FAM171A2: variants seen among roughly 807,000 people sequenced by gnomAD.
FAM171A2 encodes the protein family with sequence similarity 171 member A2.
FAM171A2 carries 13 observed loss-of-function variants against 34.2 expected under a neutral mutation model. The observed-to-expected ratio is 0.38, with a 90% CI of 0.25 to 0.60. FAM171A2 has a LOEUF of 0.60. Ranked by LOEUF, FAM171A2 falls within the 20% of genes least tolerant of loss-of-function variation. The pLI is 0.62. For synonymous variants in FAM171A2, 475 were observed against 561.2 expected, an observed-to-expected ratio of 0.85 and a Z score of 2.17; for missense variants, 950 against 1,180.7, an observed-to-expected ratio of 0.80 and a Z score of 2.86.
chr17:44,353,594 A>G lies in FAM171A2; in HGVS notation c.*139T>C. 1.7e-6 allele frequency: 1 copy of G among 584,628 alleles called. No homozygotes were observed. The highest frequency in any genetic ancestry group is 2.4e-6 in the Non-Finnish European group (1 of 424,560). The allele number at this position is 584,628 out of a possible 1,614,324, so 36.2% of individuals were successfully genotyped here. On this transcript the variant is annotated 3_prime_UTR_variant, in exon 8 of 8. Coordinates refer to ENST00000293443, the MANE Select transcript of FAM171A2 (RefSeq NM_198475.3). ...TGCAAGACACGACCCAGCACCAACC[A>G]CGGAACAGCTCCAAGGCCCCTGGGC...
chr17:44,363,467 C>A (rs1408531828), intron 1 of FAM171A2, 130 bp downstream of exon 1: 2 of 419,554 alleles, frequency 4.8e-6, no homozygotes, highest in African/African-American at 2.1e-5. Flanking sequence ...GATCGCTTAG[C>A]TCCCCCCACC....
Position 44,354,092 on chromosome 17 carries a change from C to T in FAM171A2, c.2122G>A (p.Glu708Lys). ...GGCGGCGCGGCAGGCGGGGCGCGCT[C>T]CCGCTCCTCCCTCGCGGGCCGGCGG... ...ARRRPAREER[E>K]RAPPAAPPPP... The change falls in exon 8 of 8, where the codon GAG becomes AAG. Residue 708 changes from glutamate (E) to lysine (K), a missense_variant. Coordinates refer to ENST00000293443, the MANE Select transcript of FAM171A2 (RefSeq NM_198475.3). This position sits in a 1 kb window ranked among gnomAD's most constrained non-coding sequence, Gnocchi z 5.8. 1 of 1,111,678 alleles carries T rather than the reference C, an allele frequency of 9.0e-7. No homozygotes were observed. Among genetic ancestry groups the T allele is most frequent in the Non-Finnish European group, 1.1e-6 (1 of 911,216 alleles). 68.9% of individuals were successfully genotyped at this position (1,111,678 alleles called of 1,614,324 possible). A position where few individuals can be genotyped will look rare whatever the true frequency, so the allele number is the denominator to read the frequency against.
chr17:44,358,224 C>T (rs1302857862), intron 3 of FAM171A2, among the ~76,000 whole-genome samples: 2 of 152,180 alleles, frequency 1.3e-5, no homozygotes. Context: ...GAGGGCGGCC[C>T]GGGCTCTGGA....
At position 44,354,793 on chromosome 17, in the gene FAM171A2, G is replaced by A; in HGVS notation, c.1421C>T (p.Pro474Leu). The A allele has an allele frequency of 1.5e-6, 2 of 1,295,270 alleles. No individual in the cohort carries two copies. Among genetic ancestry groups the A allele is most frequent in the Non-Finnish European group, 2.0e-6 (2 of 1,021,700 alleles). 80.2% of individuals were successfully genotyped at this position (1,295,270 alleles called of 1,614,324 possible). Residue 474 changes from proline (P) to leucine (L), a missense_variant, in exon 8 of 8, where the codon CCG (proline) becomes CTG (leucine). Pro to Leu is a moderately conservative substitution (Grantham distance 98). Coordinates refer to ENST00000293443, the MANE Select transcript of FAM171A2 (RefSeq NM_198475.3). This position sits in a 1 kb window ranked among gnomAD's most constrained non-coding sequence, Gnocchi z 5.8. ...PSGAAAFLHE[P>L]PSPPPPFDHY... ...GTCGAAGGGCGGCGGCGGCGAGGGC[G>A]GCTCGTGCAGGAAGGCCGCAGCCCC... is the stretch of plus-strand genomic sequence containing the variant.
At position 44,353,873 on chromosome 17, in the gene FAM171A2, T is replaced by C. The variant is rs990885152; in HGVS notation, c.2341A>G (p.Ser781Gly). The C allele has an allele frequency of 9.5e-6, 13 of 1,362,096 alleles. No individual in the cohort carries two copies. In the African/African-American group the frequency reaches 1.8e-4, roughly 19 times the overall value. The allele number at this position is 1,362,096 out of a possible 1,614,324, so 84.4% of individuals were successfully genotyped here. A position where few individuals can be genotyped will look rare whatever the true frequency, so the allele number is the denominator to read the frequency against. Residue 781 changes from serine to glycine, a missense_variant, in exon 8 of 8, where the codon AGC becomes GGC. By Grantham distance (56) the Ser-to-Gly change is moderately conservative. Transcript: ENST00000293443. Reference protein sequence around the residue: ...GRSRGDSSRSSASELRRDSLT... With the variant: ...GRSRGDSSRSGASELRRDSLT... ...GAGTCGCGCCGCAGCTCGCTGGCGC[T>C]GCTGCGGGAGCTGTCCCCGCGGCTG...
chr17:44,362,662 C>A (rs766991261), intron 1 of FAM171A2, among the ~76,000 whole-genome samples: 2 of 152,234 alleles, frequency 1.3e-5, no homozygotes, highest in Non-Finnish European at 2.9e-5. Flanking sequence ...CTTGCTCCCC[C>A]ACCCTTTCCT....
rs1281291789 is a variant in FAM171A2, at chr17:44,355,505, G to A, written c.1022+210C>T. Among the ~76,000 whole-genome samples, 1 of 152,188 alleles carries A rather than the reference G, an allele frequency of 6.6e-6. No homozygotes were observed. The highest frequency in any genetic ancestry group is 1.9e-4 in the East Asian group (1 of 5,188). On this transcript the variant is annotated intron_variant, in intron 7 of 7. Transcript: ENST00000293443. The surrounding 1 kb of genome is among the most constrained non-coding windows in gnomAD (Gnocchi z 4.1). ...GTAGGGGCAGTGGCAGATCTCTCTG[G>A]AGGGGCCGGGCTGCAAGTCCTTAAG...
rs1305236293 is a variant in FAM171A2, at chr17:44,356,521, G to A, written c.507C>T (p.Tyr169=). Reference sequence around the variant, plus strand: ...GCGTAAGTGACGCCCAGAGCTGGCTGTAGGTGGAGCTGACAGGCAGGCGGG... The same window carrying A: ...GCGTAAGTGACGCCCAGAGCTGGCTATAGGTGGAGCTGACAGGCAGGCGGG... ...RAARLPVSST[Y]SQLWASLTPA... is the part of the protein sequence containing the mutation. Residue 169 remains tyrosine, a synonymous_variant, in exon 4 of 8, where the codon TAC becomes TAT. Transcript: ENST00000293443. 6.4e-7 allele frequency: 1 copy of A among 1,550,438 alleles called. No individual in the cohort carries two copies. The highest frequency in any genetic ancestry group is 8.7e-7 in the Non-Finnish European group (1 of 1,146,912).
intron 3 of FAM171A2, 85 bp from the exon 4 acceptor site, chr17:44,356,673 G>T: frequency 7.0e-7 from 1 of 1,418,634 alleles, no homozygotes; most frequent in South Asian, 1.5e-5. Context: ...CTAAGGAAAA[G>T]GGGGACATGA....
intron 1 of FAM171A2, among the ~76,000 whole-genome samples, chr17:44,361,561 C>G (rs756813086): frequency 6.6e-6 from 1 of 152,128 alleles, no homozygotes; most frequent in Non-Finnish European, 1.5e-5. Context: ...GCCAGCGCCA[C>G]GCCTGCCCTA....
At position 44,353,532 on chromosome 17, in the gene FAM171A2, C is replaced by T. The variant is rs1227865863; in HGVS notation, c.*201G>A. 2 of 310,282 alleles carry T rather than the reference C, an allele frequency of 6.4e-6. No individual in the cohort carries two copies. The highest frequency in any genetic ancestry group is 1.1e-5 in the Non-Finnish European group (2 of 179,138). 19.2% of individuals were successfully genotyped at this position (310,282 alleles called of 1,614,324 possible). A position where few individuals can be genotyped will look rare whatever the true frequency, so the allele number is the denominator to read the frequency against. On this transcript the variant is annotated 3_prime_UTR_variant, in exon 8 of 8. Transcript: ENST00000293443. ...ACCTCCCCGTGGGGGTCTGGACCCC[C>T]CCTCCTCCCCGGCTTGGAGGCAGAC...
chr17:44,363,805 G>A lies in FAM171A2; in HGVS notation c.-91C>T. The A allele has an allele frequency of 1.9e-6, 1 of 517,092 alleles. No homozygotes were observed. Among genetic ancestry groups the A allele is most frequent in the South Asian group, 9.6e-5 (1 of 10,456 alleles). 32.0% of individuals were successfully genotyped at this position (517,092 alleles called of 1,614,324 possible). On this transcript the variant is annotated 5_prime_UTR_variant, in exon 1 of 8. Transcript: ENST00000293443. Reference sequence around the variant, plus strand: ...CAGCCCCAGCTCTGCGCCGCGCCTCGCAGCTCCGGCTCCCGCTCCCGCTGC... The same window carrying A: ...CAGCCCCAGCTCTGCGCCGCGCCTCACAGCTCCGGCTCCCGCTCCCGCTGC...
At position 44,363,604 on chromosome 17, in the gene FAM171A2, G is replaced by C; in HGVS notation, c.111C>G (p.Ser37Arg). The change falls in exon 1 of 8, where the codon AGC becomes AGG. Residue 37 changes from serine (S) to arginine (R), a missense_variant. Physicochemically the swap from Ser to Arg is moderately radical, Grantham distance 110. Around this residue, in one of 3 missense-constraint regions of FAM171A2, gnomAD observed 752 missense variants for 924.5 expected, o/e 0.81. Transcript: ENST00000293443. Reference sequence around the variant, plus strand: ...CTCCCGGCTGAGACTCACCCTGCGGGCTGGGGGGCTCCGGCGGCGACTTGC... The same window carrying C: ...CTCCCGGCTGAGACTCACCCTGCGGCCTGGGGGGCTCCGGCGGCGACTTGC... The part of the protein sequence containing the change: ...APGKSPPEPP[S>R]PQEILIKVQV... The C allele has an allele frequency of 8.1e-7, 1 of 1,228,002 alleles. No homozygotes were observed. The highest frequency in any genetic ancestry group is 1.0e-6 in the Non-Finnish European group (1 of 984,338). 76.1% of individuals were successfully genotyped at this position (1,228,002 alleles called of 1,614,324 possible).
intron 4 of FAM171A2, 24 bp downstream of exon 4, chr17:44,356,406 A>C: frequency 1.3e-6 from 2 of 1,549,124 alleles, no homozygotes; most frequent in South Asian, 2.4e-5. Context: ...GGGAGACCCC[A>C]TCCGTGCTGG....
chr17:44,356,955 C>T (rs544830088), intron 3 of FAM171A2, among the ~76,000 whole-genome samples: 6 of 152,328 alleles, frequency 3.9e-5, no homozygotes, highest in East Asian at 1.9e-4. Context: ...TCTAGGTGTG[C>T]TGCCCATTAT....
chr17:44,356,063 G>A lies in FAM171A2; in HGVS notation c.790C>T (p.Arg264Cys), dbSNP rs1283979758. The change falls in exon 6 of 8, where the codon CGC (arginine) becomes TGC (cysteine). Residue 264 changes from arginine (R) to cysteine (C), a missense_variant. Transcript: ENST00000293443. ...TTCCGGATTACACCAGTGCCATTGC[G>A]CACCCACAGCCCTGGGAGAGGCAGG... ...RFDPKSGLWV[R>C]NGTGVIRKEG... The A allele has an allele frequency of 5.2e-6, 8 of 1,541,526 alleles. No individual in the cohort carries two copies. Among genetic ancestry groups the A allele is most frequent in the African/African-American group, 1.4e-5 (1 of 72,818 alleles).
intron 3 of FAM171A2, 85 bp from the exon 4 acceptor site, chr17:44,356,673 G>C: frequency 7.0e-7 from 1 of 1,418,636 alleles, no homozygotes; most frequent in South Asian, 1.5e-5. Flanking sequence ...CTAAGGAAAA[G>C]GGGGACATGA....
chr17:44,356,250 G>A lies in FAM171A2; in HGVS notation c.701C>T (p.Ser234Phe). The A allele has an allele frequency of 6.4e-7, 1 of 1,551,542 alleles. No homozygotes were observed. Among genetic ancestry groups the A allele is most frequent in the Non-Finnish European group, 8.7e-7 (1 of 1,146,926 alleles). ...ACGAGTCTCGGAGGGCACGGGCAGG[G>A]ACAGGTGAATGGGGCCTGAGAGCGG... ...EVPLSGPIHLSLPVPSETRAL... is the reference protein window; with the variant it reads ...EVPLSGPIHLFLPVPSETRAL... Residue 234 changes from serine to phenylalanine, a missense_variant, in exon 5 of 8, where the codon TCC (serine) becomes TTC (phenylalanine). By Grantham distance (155) the Ser-to-Phe change is radical. Coordinates refer to ENST00000293443, the MANE Select transcript of FAM171A2 (RefSeq NM_198475.3).
rs1378829230 is a variant in FAM171A2 at position 44,359,363 on chromosome 17, G to A, written c.439+216C>T. ...GCCCCGATAACTGTAAACATTTATTGAACACCTTCTGTACTGTGTTTTTTC... is the reference window on the plus strand; with the variant it reads ...GCCCCGATAACTGTAAACATTTATTAAACACCTTCTGTACTGTGTTTTTTC... On this transcript the variant is annotated intron_variant, in intron 3 of 7. Coordinates refer to ENST00000293443, the MANE Select transcript of FAM171A2 (RefSeq NM_198475.3). 3 of 574,218 alleles carry A rather than the reference G, an allele frequency of 5.2e-6. No homozygotes were observed. The Admixed American group carries it at 9.3e-5, about 18-fold the overall frequency. 35.6% of individuals were successfully genotyped at this position (574,218 alleles called of 1,614,324 possible). A position where few individuals can be genotyped will look rare whatever the true frequency, so the allele number is the denominator to read the frequency against.
Sources: gnomAD v4.1 joint callset for allele counts (sites outside exome capture counted in the v4.1 genomes callset) on GRCh38, gnomAD v4.1.1 for gene constraint, gnomAD v4.1.1 regional missense constraint, Gnocchi (gnomAD v3.1) non-coding constraint, MANE v1.5 for transcripts, NCBI Gene and HGNC (gene_info 2026-07-23, HGNC 2026-07-21) for gene names.